Variants in SPIRE1 observed in about 807,000 individuals in gnomAD.
SPIRE1 encodes spire type actin nucleation factor 1, also known as protein spire homolog 1.
A neutral mutation model predicts 94.1 loss-of-function variants in SPIRE1; 40 were observed. That is an observed-to-expected ratio of 0.43 (90% CI 0.33 to 0.55). The LOEUF (loss-of-function observed/expected upper bound fraction) is 0.55, where lower values mean the gene tolerates loss of function less well. SPIRE1 is among the 20% of genes least tolerant of loss of function. The pLI is 0.06. For missense variants in SPIRE1, 838 were observed against 975.2 expected (o/e 0.86, Z 1.87); for synonymous variants, 376 against 371.7 (o/e 1.01, Z -0.13).
chr18:12,587,192 G>A (rs2036411619), intron 2 of SPIRE1, among the ~76,000 whole-genome samples: 1 of 152,214 alleles, frequency 6.6e-6, no homozygotes, highest in Non-Finnish European at 1.5e-5. Flanking sequence ...CACCTGTGGA[G>A]GTCAAGGAGT....
Position 12,454,485 on chromosome 18 carries a change from T to A in SPIRE1, c.1639-2A>T. 1 of 1,614,120 alleles carries A rather than the reference T, an allele frequency of 6.2e-7. No individual in the cohort carries two copies. Among genetic ancestry groups the A allele is most frequent in the Non-Finnish European group, 8.5e-7 (1 of 1,179,964 alleles). The stretch of plus-strand genomic sequence containing the variant: ...TTCCACTGGGTAGCAGAATTCCTCC[T>A]GAAATTCAAAATGTCACGTGAATAA... On this transcript the variant is annotated splice_acceptor_variant, in intron 12 of 16. Transcript: ENST00000409402. LOFTEE classifies it high-confidence loss of function.
intron 6 of SPIRE1, among the ~76,000 whole-genome samples, chr18:12,498,481 C>T (rs2033541103): frequency 6.6e-6 from 1 of 152,152 alleles, no homozygotes; most frequent in African/African-American, 2.4e-5. Context: ...CTCCTGACCT[C>T]AGGTGATCCG....
chr18:12,661,335 C>T (rs1340353272), upstream of SPIRE1: 1 of 982,678 alleles, frequency 1.0e-6, no homozygotes, highest in Middle Eastern at 5.2e-4. Context: ...AATTGATAAG[C>T]CTTACCGTCA....
intron 2 of SPIRE1, among the ~76,000 whole-genome samples, chr18:12,626,882 ATATATT>A (rs1567976703): frequency 5.8e-5 from 3 of 52,136 alleles, no homozygotes; most frequent in Non-Finnish European, 1.2e-4. Flanking sequence ...ATATATATAT[ATATATT>A]TTTTTTTTTT....
chr18:12,582,588 C>T (rs1598494569), intron 2 of SPIRE1, among the ~76,000 whole-genome samples: 1 of 152,234 alleles, frequency 6.6e-6, no homozygotes, highest in East Asian at 1.9e-4. Flanking sequence ...ATCCATAAAA[C>T]ATGAGGTCAA....
In SPIRE1 at chr18:12,447,855, T is replaced by G. The variant is rs2031021029; in HGVS notation, c.*1783A>C. 1 of 152,216 alleles carries G rather than the reference T, an allele frequency of 6.6e-6. No individual in the cohort carries two copies. Among genetic ancestry groups the G allele is most frequent in the African/African-American group, 2.4e-5 (1 of 41,454 alleles). The allele number at this position is 152,216 out of a possible 1,614,324, so 9.4% of individuals were successfully genotyped here. A position where few individuals can be genotyped will look rare whatever the true frequency, so the allele number is the denominator to read the frequency against. The stretch of plus-strand genomic sequence containing the variant: ...ACAAATACCATTTCCTTCCCCCTTG[T>G]GCCCTTCTGGGTAGTCATTTTAAAA... On this transcript the variant is annotated 3_prime_UTR_variant, in exon 17 of 17. Transcript: ENST00000409402.
intron 1 of SPIRE1, among the ~76,000 whole-genome samples, chr18:12,635,796 G>T (rs890519332): frequency 1.3e-5 from 2 of 151,890 alleles, no homozygotes; most frequent in African/African-American, 2.4e-5. Context: ...CTATTTTAAA[G>T]AATCACTTAT....
chr18:12,639,030 A>G (rs1381042869), intron 1 of SPIRE1, among the ~76,000 whole-genome samples: 1 of 152,120 alleles, frequency 6.6e-6, no homozygotes, highest in East Asian at 1.9e-4. Flanking sequence ...TCCCACTTTC[A>G]GTGGCTGTTG....
In SPIRE1 at chr18:12,535,486, C is replaced by T. The variant is rs1270012971; in HGVS notation, c.719G>A (p.Ser240Asn). 1.9e-6 allele frequency: 3 copies of T among 1,612,744 alleles called. No homozygotes were observed. Among genetic ancestry groups the T allele is most frequent in the South Asian group, 2.2e-5 (2 of 91,034 alleles). Residue 240 changes from serine (S) to asparagine (N), a missense_variant, in exon 4 of 17, where the codon AGT becomes AAT. By Grantham distance (46) the Ser-to-Asn change is conservative. Around this residue, in one of 2 missense-constraint regions of SPIRE1, gnomAD observed 645 missense variants for 804.7 expected, o/e 0.80. Transcript: ENST00000409402. ...AGCAGTAGTACTCACCTCTTTCGCA[C>T]TCTTAATTTTGGTCAGAAATGTATG... ...ELHTFLTKIKSAKENLKKIQE... is the reference protein window; with the variant it reads ...ELHTFLTKIKNAKENLKKIQE...
intron 2 of SPIRE1, among the ~76,000 whole-genome samples, chr18:12,631,654 T>A (rs2037785373): frequency 6.7e-6 from 1 of 149,594 alleles, no homozygotes; most frequent in Non-Finnish European, 1.5e-5. Flanking sequence ...GGCGGGAGGA[T>A]CACGAGGTCA....
At chr18:12,453,433 A>ATTTT (rs34797411) in intron 13 of SPIRE1, among the ~76,000 whole-genome samples, 4 of 144,510 alleles carry the variant, frequency 2.8e-5, no homozygotes, top group Non-Finnish European at 4.5e-5. Context: ...TCTCAGATAC[A>ATTTT]TTTTTTTTTT....
Position 12,546,833 on chromosome 18 carries a change from T to C in SPIRE1, c.444A>G (p.Glu148=). The change falls in exon 3 of 17, where the codon GAA becomes GAG. Residue 148 remains glutamate, a synonymous_variant. Transcript: ENST00000409402. ...DYGLKENEER[E]LSPPLEQLID... ...TAAGCTGCTCTAGGGGAGGGCTTAATTCCCTTTCTTCATTCTCCTTCAAAC... is the reference window on the plus strand; with the variant it reads ...TAAGCTGCTCTAGGGGAGGGCTTAACTCCCTTTCTTCATTCTCCTTCAAAC... 3 of 1,614,110 alleles carry C rather than the reference T, an allele frequency of 1.9e-6. No individual in the cohort carries two copies. Among genetic ancestry groups the C allele is most frequent in the Non-Finnish European group, 2.5e-6 (3 of 1,180,004 alleles).
chr18:12,459,549 T>C (rs2031684746), intron 12 of SPIRE1, among the ~76,000 whole-genome samples: 1 of 152,264 alleles, frequency 6.6e-6, no homozygotes, highest in Non-Finnish European at 1.5e-5. Flanking sequence ...CATCAGATGC[T>C]GCATTTTGAG....
At chr18:12,500,269 G>A (rs570140513) in intron 6 of SPIRE1, among the ~76,000 whole-genome samples, 11 of 152,160 alleles carry the variant, frequency 7.2e-5, no homozygotes, top group East Asian at 1.9e-4. Flanking sequence ...ATGCACACCC[G>A]CATCTAAATT....
rs553710243 is a variant in SPIRE1, at chr18:12,565,773, C to T, written c.373-18869G>A. On this transcript the variant is annotated intron_variant, in intron 2 of 16. Transcript: ENST00000409402. Reference sequence around the variant, plus strand: ...GTTCTTGGCCGGGCGCGGTGGCTCACGCCTGTAATCCCAGGAATTTGGGAG... The same window carrying T: ...GTTCTTGGCCGGGCGCGGTGGCTCATGCCTGTAATCCCAGGAATTTGGGAG... Among the ~76,000 whole-genome samples, 85 of 151,880 alleles carry T rather than the reference C, an allele frequency of 5.6e-4. 1 individual carries two copies. In the East Asian group the frequency reaches 7.8e-3, roughly 14 times the overall value.
chr18:12,637,213 G>A (rs185712189), intron 1 of SPIRE1, among the ~76,000 whole-genome samples: 2 of 152,186 alleles, frequency 1.3e-5, no homozygotes, highest in Admixed American at 1.3e-4. Flanking sequence ...CAAAACATTA[G>A]CCGGGTGTGG....
intron 4 of SPIRE1, among the ~76,000 whole-genome samples, chr18:12,518,154 G>A (rs770302934): frequency 1.3e-5 from 2 of 152,046 alleles, no homozygotes; most frequent in Admixed American, 6.6e-5. Context: ...GGGACTACAG[G>A]CATGTACTAC....
At chr18:12,591,709 G>A (rs531540634) in intron 2 of SPIRE1, among the ~76,000 whole-genome samples, 4 of 152,266 alleles carry the variant, frequency 2.6e-5, no homozygotes, top group African/African-American at 9.6e-5. Flanking sequence ...CTAGCGTGGT[G>A]GATCACGCCT....
At chr18:12,565,220 A>G (rs1042258605) in intron 2 of SPIRE1, among the ~76,000 whole-genome samples, 3 of 152,238 alleles carry the variant, frequency 2.0e-5, no homozygotes, top group Admixed American at 6.5e-5. Context: ...AGGAACAAAG[A>G]TAAGAATTAC....
Sources: gnomAD v4.1 joint callset for allele counts (sites outside exome capture counted in the v4.1 genomes callset) on GRCh38, gnomAD v4.1.1 for gene constraint, gnomAD v4.1.1 regional missense constraint, MANE v1.5 for transcripts, NCBI Gene and HGNC (gene_info 2026-07-23, HGNC 2026-07-21) for gene names.